The following DAP3 variants were observed in gnomAD, a reference collection of about 807,000 sequenced individuals.
DAP3 encodes death associated protein 3.
Under a neutral mutation model 51.9 loss-of-function variants are expected in DAP3, and 28 were observed. The ratio of observed to expected loss-of-function variants is 0.54; its 90% CI spans 0.40 to 0.74. The LOEUF (loss-of-function observed/expected upper bound fraction) is 0.74, where lower values mean the gene tolerates loss of function less well. Among genes scored for constraint, DAP3 ranks in the 30% least tolerant of loss-of-function variants. The pLI is 0.00. For synonymous variants in DAP3, 170 were observed against 170.3 expected (o/e 1.00, Z 0.01); for missense variants, 458 against 483.5 (o/e 0.95, Z 0.49).
chr1:155,707,825 C>G (rs370692365), intron 1 of DAP3, among the ~76,000 whole-genome samples: 11 of 152,160 alleles, frequency 7.2e-5, no homozygotes, highest in African/African-American at 2.4e-4. Context: ...TTATGTCATG[C>G]CAGATGTAAT....
chr1:155,732,360 G>A (rs1215964214), intron 11 of DAP3, among the ~76,000 whole-genome samples: 1 of 151,722 alleles, frequency 6.6e-6, no homozygotes, highest in Non-Finnish European at 1.5e-5. Context: ...CTCCTAAGTA[G>A]CTGGGATTAC....
chr1:155,706,029 G>C (rs1471541166), intron 1 of DAP3, among the ~76,000 whole-genome samples: 1 of 151,814 alleles, frequency 6.6e-6, no homozygotes, highest in East Asian at 1.9e-4. Context: ...TATTTATTTA[G>C]ACCAGATCTG....
chr1:155,724,295 C>T (rs1347279422), intron 4 of DAP3, among the ~76,000 whole-genome samples: 1 of 152,064 alleles, frequency 6.6e-6, no homozygotes, highest in Non-Finnish European at 1.5e-5. Context: ...CCTGAGCCGC[C>T]ATGTATTTAG....
chr1:155,726,624 C>G (rs1303399141), intron 6 of DAP3, among the ~76,000 whole-genome samples: 1 of 151,812 alleles, frequency 6.6e-6, no homozygotes, highest in African/African-American at 2.4e-5. Context: ...GATCTGATAG[C>G]TAAAGGAAAA....
rs766255365 is a variant in DAP3 at position 155,721,615 on chromosome 1, G to T, written c.267G>T (p.Met89Ile). The change falls in exon 4 of 13, where the codon ATG becomes ATT. Residue 89 changes from methionine (M) to isoleucine (I), a missense_variant. Met to Ile is a conservative substitution (Grantham distance 10). Coordinates refer to ENST00000368336, the MANE Select transcript of DAP3 (RefSeq NM_004632.4). ...ATGGCCTTCCTCCTCGCTTTGTGATGCAGGTGCTCAAGACAGGGAATGGAA... is the reference window on the plus strand; with the variant it reads ...ATGGCCTTCCTCCTCGCTTTGTGATTCAGGTGCTCAAGACAGGGAATGGAA... ...FPHGLPPRFV[M>I]QVKTFSEACL... 6.2e-7 allele frequency: 1 copy of T among 1,613,960 alleles called. No individual in the cohort carries two copies. The highest frequency in any genetic ancestry group is 8.5e-7 in the Non-Finnish European group (1 of 1,180,028).
intron 1 of DAP3, among the ~76,000 whole-genome samples, chr1:155,700,596 G>A (rs1253295559): frequency 1.4e-5 from 2 of 147,614 alleles, no homozygotes; most frequent in South Asian, 2.2e-4. Context: ...CCGGCCAGCC[G>A]CCCCGTCCGG....
rs370828134 is a variant in DAP3 at position 155,717,143 on chromosome 1, T to C, written c.168+15T>C. 5.4e-5 allele frequency: 87 copies of C among 1,612,504 alleles called. No individual in the cohort carries two copies. Among genetic ancestry groups the C allele is most frequent in the Non-Finnish European group, 6.8e-5 (80 of 1,179,612 alleles). The stretch of plus-strand genomic sequence containing the variant: ...AGAATGACCCGGTGAGTTACTAATA[T>C]GTATATGGGGTTTCTCAGGGCTTAT... On this transcript the variant is annotated intron_variant, in intron 3 of 12. Transcript: ENST00000368336.
At position 155,711,960 on chromosome 1, in the gene DAP3, A is replaced by G. The variant is rs546520997; in HGVS notation, c.45+2136A>G. On this transcript the variant is annotated intron_variant, in intron 2 of 12. Coordinates refer to ENST00000368336, the MANE Select transcript of DAP3 (RefSeq NM_004632.4). ...GCTGGAAGACCCAGCAAGTCGGCTCATCCTACCTTCTTCTGCCTGCTTTAT... is the reference window on the plus strand; with the variant it reads ...GCTGGAAGACCCAGCAAGTCGGCTCGTCCTACCTTCTTCTGCCTGCTTTAT... Among the ~76,000 whole-genome samples, 516 of 151,416 alleles carry G rather than the reference A, an allele frequency of 3.4e-3. 3 individuals carry two copies. Among genetic ancestry groups the G allele is most frequent in the South Asian group, 0.029 (138 of 4,786 alleles).
intron 11 of DAP3, among the ~76,000 whole-genome samples, chr1:155,736,128 C>T (rs749320256): frequency 4.6e-5 from 7 of 151,870 alleles, no homozygotes; most frequent in Admixed American, 3.3e-4. Context: ...CATGAGCCAC[C>T]GTGCCCGGCT....
intron 11 of DAP3, among the ~76,000 whole-genome samples, chr1:155,736,410 A>G (rs1262826239): frequency 6.6e-6 from 1 of 152,052 alleles, no homozygotes; most frequent in Non-Finnish European, 1.5e-5. Context: ...CGCCTCCTCA[A>G]GCATTGCCTT....
At chr1:155,738,069 A>AC in intron 12 of DAP3, 88 bp from the exon 13 acceptor site, 2 of 1,275,670 alleles carry the variant, frequency 1.6e-6, no homozygotes, top group Non-Finnish European at 2.2e-6. Context: ...CGTAATTTGG[A>AC]TATGGTAGCC....
intron 2 of DAP3, among the ~76,000 whole-genome samples, chr1:155,714,037 G>A (rs1350633706): frequency 6.6e-6 from 1 of 152,158 alleles, no homozygotes; most frequent in African/African-American, 2.4e-5. Flanking sequence ...TGATGAATGG[G>A]AAAGATTTAA....
At position 155,731,342 on chromosome 1, in the gene DAP3, T is replaced by C. The variant is rs1406040140; in HGVS notation, c.844-14T>C. 6.2e-7 allele frequency: 1 copy of C among 1,613,562 alleles called. No homozygotes were observed. Among genetic ancestry groups the C allele is most frequent in the Non-Finnish European group, 8.5e-7 (1 of 1,179,648 alleles). On this transcript the variant is annotated splice_polypyrimidine_tract_variant and intron_variant, in intron 9 of 12. Coordinates refer to ENST00000368336, the MANE Select transcript of DAP3 (RefSeq NM_004632.4). ...CACGTGATGATCTCTTCTCTCTTTC[T>C]GTCCGATATGCAGATTGCCCCCGAG...
chr1:155,726,531 A>G, intron 6 of DAP3, among the ~76,000 whole-genome samples: 1 of 151,810 alleles, frequency 6.6e-6, no homozygotes, highest in East Asian at 1.9e-4. Context: ...ACTTCAGGTG[A>G]TCCACCTGCC....
chr1:155,724,806 A>C (rs1217383332), intron 4 of DAP3, among the ~76,000 whole-genome samples: 1 of 151,508 alleles, frequency 6.6e-6, no homozygotes, highest in Non-Finnish European at 1.5e-5. Flanking sequence ...AAAATACAAA[A>C]TAGCCGGGCA....
rs148157531 is a variant in DAP3 at position 155,692,699 on chromosome 1, G to A, written c.-8+3525G>A. On this transcript the variant is annotated intron_variant, in intron 1 of 12. Transcript: ENST00000368336. The stretch of plus-strand genomic sequence containing the variant: ...TTTCCATCCCTTTCTTCCAGATGAT[G>A]TCTAACTTTTTCCCAGTGATGTTCA... Among the ~76,000 whole-genome samples, 3 of 142,062 alleles carry A rather than the reference G, an allele frequency of 2.1e-5. 1 individual carries two copies. Among genetic ancestry groups the A allele is most frequent in the African/African-American group, 9.5e-5 (3 of 31,546 alleles). The allele number at this position is 142,062 out of a possible 152,430, so 93.2% of individuals were successfully genotyped here.
chr1:155,687,981 C>T, upstream of DAP3: 3 of 1,383,380 alleles, frequency 2.2e-6, no homozygotes, highest in East Asian at 2.3e-5. Context: ...GGTCCAGGTC[C>T]GGGAGATGAC....
intron 9 of DAP3, among the ~76,000 whole-genome samples, chr1:155,730,210 GTATA>G (rs1289935351): frequency 1.4e-5 from 2 of 147,610 alleles, no homozygotes; most frequent in African/African-American, 4.9e-5. Flanking sequence ...ATGTATATAT[GTATA>G]TATAATATTC....
At chr1:155,736,004 G>A (rs1196482431) in intron 11 of DAP3, among the ~76,000 whole-genome samples, 3 of 151,962 alleles carry the variant, frequency 2.0e-5, no homozygotes, top group African/African-American at 7.2e-5. Flanking sequence ...ACCACGCCCA[G>A]CTAATTTTTG....
Sources: allele counts gnomAD v4.1 joint callset (sites outside exome capture counted in the v4.1 genomes callset), GRCh38; gene constraint gnomAD v4.1.1; transcripts MANE v1.5; gene names NCBI Gene and HGNC (gene_info 2026-07-23, HGNC 2026-07-21).